DNAH1: variants seen among roughly 807,000 people sequenced by gnomAD.
DNAH1 encodes the protein axonemal beta dynein heavy chain 1.
In DNAH1, 327 loss-of-function variants were observed where a neutral mutation model predicts 484.3. That is an observed-to-expected ratio of 0.68 (90% CI 0.62 to 0.74). The LOEUF (loss-of-function observed/expected upper bound fraction) is 0.74. Among genes scored for constraint, DNAH1 ranks in the 30% least tolerant of loss-of-function variants. The probability of loss-of-function intolerance (pLI) is 0.00; values close to 1 mark genes in which losing one functional copy is unlikely to be tolerated. For synonymous variants in DNAH1, 2,192 were observed against 2,191.9 expected (o/e 1.00, Z 0.00); for missense variants, 5,052 against 5,546.8 (o/e 0.91, Z 2.83).
At chr3:52,380,546 G>A (rs1703799611) in intron 48 of DNAH1, among the ~76,000 whole-genome samples, 1 of 152,210 alleles carries the variant, frequency 6.6e-6, no homozygotes, top group Admixed American at 6.5e-5. Flanking sequence ...CTAATTCCAA[G>A]AGCTCCCACC....
At chr3:52,324,215 G>T (rs1342873782) in intron 3 of DNAH1, among the ~76,000 whole-genome samples, 1 of 152,160 alleles carries the variant, frequency 6.6e-6, no homozygotes, top group Non-Finnish European at 1.5e-5. Context: ...GCCCTGAAGA[G>T]GCCAGGACTG....
intron 1 of DNAH1, among the ~76,000 whole-genome samples, chr3:52,317,567 T>G (rs1196335329): frequency 6.6e-6 from 1 of 152,224 alleles, no homozygotes; most frequent in Non-Finnish European, 1.5e-5. Flanking sequence ...AAATCAGGAT[T>G]TAATCAAAGT....
intron 9 of DNAH1, 27 bp from the exon 10 acceptor site, chr3:52,345,468 A>G: frequency 5.8e-6 from 9 of 1,548,244 alleles, no homozygotes; most frequent in Non-Finnish European, 7.0e-6. Flanking sequence ...AGGGTCTGAT[A>G]CTGGCCCTTG....
rs1406826163 is a variant in DNAH1 at position 52,362,207 on chromosome 3, C to T, written c.4981-181C>T. Among the ~76,000 whole-genome samples the T allele has an allele frequency of 6.6e-6, 1 of 152,210 alleles. No homozygotes were observed. Among genetic ancestry groups the T allele is most frequent in the African/African-American group, 2.4e-5 (1 of 41,460 alleles). On this transcript the variant is annotated intron_variant, in intron 30 of 77. Transcript: ENST00000420323. This position sits in a 1 kb window ranked among gnomAD's most constrained non-coding sequence, Gnocchi z 5.1. Reference sequence around the variant, plus strand: ...GGAGCTGGAAGGCCATGGGTAGCCACTGGGGCCTGAGGTTTCAGGCCAGAT... The same window carrying T: ...GGAGCTGGAAGGCCATGGGTAGCCATTGGGGCCTGAGGTTTCAGGCCAGAT...
Position 52,356,693 on chromosome 3 carries a change from A to C in DNAH1, c.3773A>C (p.Gln1258Pro). Residue 1258 changes from glutamine to proline, a missense_variant, in exon 22 of 78, where the codon CAG (glutamine) becomes CCG (proline). Gln to Pro is a moderately conservative substitution (Grantham distance 76). Around this residue, in one of 4 missense-constraint regions of DNAH1, gnomAD observed 2,929 missense variants for 3,409.4 expected, o/e 0.86. Coordinates refer to ENST00000420323, the MANE Select transcript of DNAH1 (RefSeq NM_015512.5). ...EPIFSSEDIN[Q>P]QLPVESKRYQ... Reference sequence around the variant, plus strand: ...ATCTTTAGCTCTGAGGACATCAACCAGCAGCTGCCTGTGGAGAGCAAGCGC... The same window carrying C: ...ATCTTTAGCTCTGAGGACATCAACCCGCAGCTGCCTGTGGAGAGCAAGCGC... 2 of 1,613,932 alleles carry C rather than the reference A, an allele frequency of 1.2e-6. No individual in the cohort carries two copies. The highest frequency in any genetic ancestry group is 3.3e-5 in the Admixed American group (2 of 60,016).
chr3:52,374,220 TAGC>T, intron 44 of DNAH1: 3 of 1,383,210 alleles, frequency 2.2e-6, no homozygotes, highest in Non-Finnish European at 3.1e-6. Context: ...CATAATGGCA[TAGC>T]AGAGTTACTG....
rs974198069 is a variant in DNAH1, at chr3:52,362,997, G to A, written c.5097G>A (p.Ala1699=). ...GRTELPDNLK[A]LFRPVAMMVP... ...CACATGTGCACTGTGTGTCCCAGGC[G>A]CTCTTCCGACCCGTGGCCATGATGG... Residue 1699 remains alanine, a splice_region_variant and synonymous_variant, in exon 32 of 78, where the codon GCG becomes GCA. Coordinates refer to ENST00000420323, the MANE Select transcript of DNAH1 (RefSeq NM_015512.5). This position sits in a 1 kb window ranked among gnomAD's most constrained non-coding sequence, Gnocchi z 5.1. 2.0e-5 allele frequency: 33 copies of A among 1,613,846 alleles called. No homozygotes were observed. The highest frequency in any genetic ancestry group is 8.9e-5 in the East Asian group (4 of 44,880).
chr3:52,371,229 A>G (rs1230109322), intron 41 of DNAH1, among the ~76,000 whole-genome samples: 2 of 152,202 alleles, frequency 1.3e-5, no homozygotes, highest in Admixed American at 6.5e-5. Context: ...CCTCATCGCT[A>G]CTATCAGCTA....
intron 9 of DNAH1, 83 bp downstream of exon 9, chr3:52,344,730 G>T: frequency 6.9e-7 from 1 of 1,457,588 alleles, no homozygotes; most frequent in Non-Finnish European, 9.2e-7. Flanking sequence ...AGGATTGTCT[G>T]CCCTGCCATT....
chr3:52,346,699 C>T lies in DNAH1; in HGVS notation c.1884C>T (p.Asp628=), dbSNP rs756281897. The change falls in exon 11 of 78, where the codon GAC becomes GAT. Residue 628 remains aspartate, a synonymous_variant. Transcript: ENST00000420323. ...CCAGCTTCTCACAGTTCATCAGCGA[C>T]ACCTGTTGCAGCGTGCTCAACTGCA... is the stretch of plus-strand genomic sequence containing the variant. ...SLASFSQFIS[D]TCCSVLNCTD... 5 of 1,614,012 alleles carry T rather than the reference C, an allele frequency of 3.1e-6. No homozygotes were observed. Among genetic ancestry groups the T allele is most frequent in the Middle Eastern group, 1.6e-4 (1 of 6,062 alleles).
rs767190386 is a variant in DNAH1 at position 52,383,557 on chromosome 3, C to T, written c.8113C>T (p.Arg2705Cys). The stretch of plus-strand genomic sequence containing the variant: ...CAACCTCATGGCTGCTTACACAGGG[C>T]GTGTGCGCAGCAACATCCACATGGT... ...KANLMAAYTG[R>C]VRSNIHMVLC... Residue 2705 changes from arginine to cysteine, a missense_variant, in exon 51 of 78, where the codon CGT (arginine) becomes TGT (cysteine). This residue lies in a region of DNAH1 where 2,929 missense variants were observed against 3,409.4 expected (regional missense o/e 0.86). Transcript: ENST00000420323. The T allele has an allele frequency of 9.9e-6, 16 of 1,608,150 alleles. No homozygotes were observed. Among genetic ancestry groups the T allele is most frequent in the South Asian group, 4.4e-5 (4 of 90,104 alleles).
chr3:52,359,515 T>C (rs1702767063), intron 26 of DNAH1, 129 bp downstream of exon 26: 2 of 1,293,442 alleles, frequency 1.5e-6, no homozygotes, highest in Non-Finnish European at 2.1e-6. Context: ...AAAGGGGAGG[T>C]CAGACACCCT....
At chr3:52,389,385 C>T (rs1704265268) in intron 59 of DNAH1, 76 bp from the exon 60 acceptor site, 2 of 1,588,904 alleles carry the variant, frequency 1.3e-6, no homozygotes, top group Non-Finnish European at 1.7e-6. Context: ...AACTGCCAAG[C>T]ACTGTGGCTT....
At chr3:52,365,232 G>GCGTTGTCCCCTTCCTAGGCC (rs1469463404) in intron 34 of DNAH1, among the ~76,000 whole-genome samples, 1 of 152,210 alleles carries the variant, frequency 6.6e-6, no homozygotes, top group Non-Finnish European at 1.5e-5. Context: ...GGGGAGGCAG[G>GCGTTGTCCCCTTCCTAGGCC]CGTTGTCCCC....
At chr3:52,321,341 C>T (rs1217022213) in intron 1 of DNAH1, among the ~76,000 whole-genome samples, 2 of 152,312 alleles carry the variant, frequency 1.3e-5, no homozygotes, top group Non-Finnish European at 2.9e-5. Flanking sequence ...GTCTCAAACT[C>T]CTGACCTCAG....
intron 34 of DNAH1, among the ~76,000 whole-genome samples, chr3:52,365,289 T>C (rs1349030074): frequency 6.6e-6 from 1 of 152,204 alleles, no homozygotes; most frequent in Non-Finnish European, 1.5e-5. Context: ...CGAGCTCCTC[T>C]TGGGCCTTGC....
chr3:52,344,576 T>A lies in DNAH1; in HGVS notation c.1373T>A (p.Val458Asp). ...SMNKINFDHV[V>D]SSKPETFSYV... ...AACAAGATCAACTTTGACCACGTTG[T>A]CTCTTCCAAGCCCGAGACCTTCTCC... The change falls in exon 9 of 78, where the codon GTC becomes GAC. Residue 458 changes from valine (V) to aspartate (D), a missense_variant. Physicochemically the swap from Val to Asp is radical, Grantham distance 152. Around this residue, in one of 4 missense-constraint regions of DNAH1, gnomAD observed 1,263 missense variants for 1,218.8 expected, o/e 1.04. Coordinates refer to ENST00000420323, the MANE Select transcript of DNAH1 (RefSeq NM_015512.5). 1 of 1,613,932 alleles carries A rather than the reference T, an allele frequency of 6.2e-7. No homozygotes were observed. The highest frequency in any genetic ancestry group is 1.1e-5 in the South Asian group (1 of 91,074).
intron 63 of DNAH1, 62 bp downstream of exon 63, chr3:52,391,665 C>A: frequency 6.3e-7 from 1 of 1,592,124 alleles, no homozygotes. Flanking sequence ...CCAGCTGCTC[C>A]TCTCCCACCC....
In DNAH1 at chr3:52,361,415, G is replaced by T; in HGVS notation, c.4874+63G>T. ...GACAGCCTAGCTCTCCTTGGGGAGG[G>T]CTAGGTGAGGGCAGTGCCTGAGAGG... On this transcript the variant is annotated intron_variant, in intron 29 of 77. Transcript: ENST00000420323. The surrounding 1 kb of genome is among the most constrained non-coding windows in gnomAD (Gnocchi z 5.6). 2 of 1,477,358 alleles carry T rather than the reference G, an allele frequency of 1.4e-6. No individual in the cohort carries two copies. The highest frequency in any genetic ancestry group is 1.8e-6 in the Non-Finnish European group (2 of 1,106,184). The allele number at this position is 1,477,358 out of a possible 1,614,324, so 91.5% of individuals were successfully genotyped here. A position where few individuals can be genotyped will look rare whatever the true frequency, so the allele number is the denominator to read the frequency against.
Sources: allele counts gnomAD v4.1 joint callset (sites outside exome capture counted in the v4.1 genomes callset), GRCh38; gene constraint gnomAD v4.1.1; regional missense constraint gnomAD v4.1.1; non-coding constraint Gnocchi (gnomAD v3.1); transcripts MANE v1.5; gene names NCBI Gene and HGNC (gene_info 2026-07-23, HGNC 2026-07-21).